ANKH: variants seen among roughly 807,000 people sequenced by gnomAD.
The protein encoded by ANKH is ANKH inorganic pyrophosphate transport regulator, also known as mineralization regulator ANKH.
A neutral mutation model predicts 49.0 loss-of-function variants in ANKH; 15 were observed. That is an observed-to-expected ratio of 0.31 (90% CI 0.20 to 0.47). ANKH has a LOEUF of 0.47. Among genes scored for constraint, ANKH ranks in the 20% least tolerant of loss-of-function variants. The pLI is 1.00. For synonymous variants in ANKH, 273 were observed against 260.0 expected (o/e 1.05, Z -0.48); for missense variants, 429 against 652.0 (o/e 0.66, Z 3.72).
At chr5:14,864,962 T>A (rs1174751783) in intron 1 of ANKH, among the ~76,000 whole-genome samples, 1 of 152,182 alleles carries the variant, frequency 6.6e-6, no homozygotes, top group East Asian at 1.9e-4. Context: ...TCAATTATGT[T>A]ATAAAAATAA....
chr5:14,809,400 A>T (rs992927421), intron 1 of ANKH, among the ~76,000 whole-genome samples: 2 of 151,660 alleles, frequency 1.3e-5, no homozygotes, highest in African/African-American at 4.8e-5. Context: ...AATAAAATAA[A>T]ATACAAAAAT....
intron 8 of ANKH, among the ~76,000 whole-genome samples, chr5:14,740,443 G>A (rs1041245299): frequency 1.3e-5 from 2 of 152,112 alleles, no homozygotes; most frequent in African/African-American, 2.4e-5. Context: ...CTGGGGAACC[G>A]GCCCCGCTCA....
At chr5:14,761,760 T>C (rs1339393856) in intron 2 of ANKH, among the ~76,000 whole-genome samples, 1 of 103,816 alleles carries the variant, frequency 9.6e-6, no homozygotes. Flanking sequence ...TGTCCCCTTT[T>C]GCCTTTTTTT....
chr5:14,724,957 C>T (rs1381893727), intron 8 of ANKH, among the ~76,000 whole-genome samples: 1 of 152,094 alleles, frequency 6.6e-6, no homozygotes, highest in African/African-American at 2.4e-5. Flanking sequence ...CTTATCCCTG[C>T]AGTTAGAAAA....
intron 6 of ANKH, among the ~76,000 whole-genome samples, chr5:14,746,290 C>CTT (rs3086709): frequency 0.18 from 25,581 of 144,158 alleles, 2,376 homozygotes; most frequent in African/African-American, 0.21. Context: ...GCCAAGATTC[C>CTT]TTTTTTTTTT....
intron 1 of ANKH, among the ~76,000 whole-genome samples, chr5:14,824,485 CA>C (rs1447383288): frequency 6.6e-6 from 1 of 152,110 alleles, no homozygotes; most frequent in Non-Finnish European, 1.5e-5. Flanking sequence ...CACAACAGCT[CA>C]ATGTCCCATA....
chr5:14,841,035 A>G (rs1464213694), intron 1 of ANKH, among the ~76,000 whole-genome samples: 1 of 152,216 alleles, frequency 6.6e-6, no homozygotes, highest in Non-Finnish European at 1.5e-5. Context: ...GAAAGTTTTG[A>G]GCGGGGATAT....
At chr5:14,747,328 C>T (rs1738570018) in intron 6 of ANKH, among the ~76,000 whole-genome samples, 1 of 152,130 alleles carries the variant, frequency 6.6e-6, no homozygotes, top group Non-Finnish European at 1.5e-5. Flanking sequence ...GCCTATAATC[C>T]CAGCACTTTG....
intron 4 of ANKH, among the ~76,000 whole-genome samples, chr5:14,754,419 T>C (rs1388190926): frequency 6.6e-6 from 1 of 152,118 alleles, no homozygotes; most frequent in Non-Finnish European, 1.5e-5. Flanking sequence ...TGCCAGTGTT[T>C]GAAATTAGAG....
chr5:14,829,312 A>G (rs1026354710), intron 1 of ANKH, among the ~76,000 whole-genome samples: 1 of 152,122 alleles, frequency 6.6e-6, no homozygotes, highest in Non-Finnish European at 1.5e-5. Flanking sequence ...GCTTACCCAG[A>G]AATACTTATT....
At chr5:14,720,728 A>C (rs1357588567) in intron 8 of ANKH, among the ~76,000 whole-genome samples, 1 of 152,086 alleles carries the variant, frequency 6.6e-6, no homozygotes. Flanking sequence ...ACTACTAAAA[A>C]CCTTAAGCTT....
At chr5:14,763,182 G>C (rs775340956) in intron 2 of ANKH, among the ~76,000 whole-genome samples, 1 of 152,182 alleles carries the variant, frequency 6.6e-6, no homozygotes, top group African/African-American at 2.4e-5. Flanking sequence ...ACATCCAATA[G>C]GCAAATCTGA....
chr5:14,846,252 C>T (rs762863478), intron 1 of ANKH, among the ~76,000 whole-genome samples: 11 of 152,170 alleles, frequency 7.2e-5, no homozygotes, highest in Admixed American at 2.6e-4. Context: ...AGGTCATAAT[C>T]TTAAAAGATT....
intron 7 of ANKH, 85 bp from the exon 8 acceptor site, chr5:14,742,007 T>C (rs1738375559): frequency 9.9e-7 from 1 of 1,014,302 alleles, no homozygotes; most frequent in Admixed American, 1.9e-5. Flanking sequence ...CATCTTGCTT[T>C]TGTTTTATCT....
intron 11 of ANKH, among the ~76,000 whole-genome samples, chr5:14,712,371 C>T (rs1255821417): frequency 6.6e-6 from 1 of 152,128 alleles, no homozygotes; most frequent in Non-Finnish European, 1.5e-5. Flanking sequence ...GATGTGGCTT[C>T]CTACTTCACT....
intron 3 of ANKH, 83 bp from the exon 4 acceptor site, chr5:14,756,027 T>C: frequency 8.5e-7 from 1 of 1,179,822 alleles, no homozygotes. Flanking sequence ...TGGGCATTCC[T>C]GAAATACACT....
chr5:14,802,827 A>T (rs1167943027), intron 1 of ANKH, among the ~76,000 whole-genome samples: 1 of 152,050 alleles, frequency 6.6e-6, no homozygotes, highest in East Asian at 1.9e-4. Context: ...TCCTTCTCCC[A>T]TAGCATGTAA....
chr5:14,766,146 C>G (rs905479683), intron 2 of ANKH, among the ~76,000 whole-genome samples: 12 of 152,054 alleles, frequency 7.9e-5, no homozygotes, highest in East Asian at 7.7e-4. Context: ...AATCCCAGCA[C>G]TTTGGGAGGC....
intron 1 of ANKH, among the ~76,000 whole-genome samples, chr5:14,780,721 G>C (rs1032948499): frequency 1.3e-5 from 2 of 152,112 alleles, no homozygotes; most frequent in Non-Finnish European, 2.9e-5. Flanking sequence ...TCCTTTACTT[G>C]CCTCATCCTA....
Sources: allele counts gnomAD v4.1 joint callset (sites outside exome capture counted in the v4.1 genomes callset), GRCh38; gene constraint gnomAD v4.1.1; transcripts MANE v1.5; gene names NCBI Gene and HGNC (gene_info 2026-07-23, HGNC 2026-07-21).